The following TRIM51 variants were observed in gnomAD, a reference collection of about 807,000 sequenced individuals.
TRIM51 encodes tripartite motif-containing protein 51.
In TRIM51, 23 loss-of-function variants were observed where a neutral mutation model predicts 32.7. The ratio of observed to expected loss-of-function variants is 0.70; its 90% CI spans 0.51 to 1.00. The LOEUF (loss-of-function observed/expected upper bound fraction) is 1.00. TRIM51 is among the 50% of genes least tolerant of loss of function. The pLI, the probability that TRIM51 is intolerant of heterozygous loss-of-function variation, is 0.00. For missense variants in TRIM51, 592 were observed against 539.2 expected, an observed-to-expected ratio of 1.10 and a Z score of -0.97; for synonymous variants, 177 against 181.9, an observed-to-expected ratio of 0.97 and a Z score of 0.22.
In TRIM51 at chr11:55,888,974, T is replaced by C. The variant is rs767210174; in HGVS notation, c.739-5T>C. ...CTAAGCCTTTCTATTTTTTTTTTTTTACAGGCTTTTGGAGACATATTACAC... is the reference window on the plus strand; with the variant it reads ...CTAAGCCTTTCTATTTTTTTTTTTTCACAGGCTTTTGGAGACATATTACAC... On this transcript the variant is annotated splice_region_variant and splice_polypyrimidine_tract_variant and intron_variant, in intron 4 of 6. Transcript: ENST00000449290. 6.2e-7 allele frequency: 1 copy of C among 1,610,516 alleles called. No homozygotes were observed.
intron 3 of TRIM51, among the ~76,000 whole-genome samples, chr11:55,886,900 T>C (rs1417594602): frequency 1.3e-5 from 2 of 152,318 alleles, no homozygotes; most frequent in Non-Finnish European, 2.9e-5. Flanking sequence ...TATTCATTCA[T>C]TAATTTATTC....
In TRIM51 at chr11:55,886,228, G is replaced by A. The variant is rs373830754; in HGVS notation, c.507+10G>A. 1.9e-5 allele frequency: 30 copies of A among 1,604,190 alleles called. No individual in the cohort carries two copies. The highest frequency in any genetic ancestry group is 2.2e-5 in the East Asian group (1 of 44,814). On this transcript the variant is annotated intron_variant, in intron 3 of 6. Coordinates refer to ENST00000449290, the MANE Select transcript of TRIM51 (RefSeq NM_032681.4). ...AACCAGATGCTGGAAGGTTAGTACC[G>A]TATGACTCTACCTTCTCCGGGAACT...
chr11:55,883,904 A>G (rs2134530959), intron 1 of TRIM51, among the ~76,000 whole-genome samples: 1 of 152,174 alleles, frequency 6.6e-6, no homozygotes, highest in East Asian at 1.9e-4. Flanking sequence ...GAATGATTTG[A>G]TACTTGATAC....
chr11:55,888,413 G>C, intron 4 of TRIM51, 151 bp downstream of exon 4: 2 of 698,002 alleles, frequency 2.9e-6, no homozygotes, highest in Non-Finnish European at 5.1e-6. Flanking sequence ...GGAGGGTATA[G>C]CCTCTCCTAG....
At chr11:55,884,337 C>T (rs866342917) in intron 1 of TRIM51, among the ~76,000 whole-genome samples, 4 of 151,134 alleles carry the variant, frequency 2.6e-5, no homozygotes, top group Admixed American at 1.3e-4. Context: ...CTGTCTAACG[C>T]GTCCCTCAGA....
chr11:55,883,984 C>T lies in TRIM51; in HGVS notation c.-5+600C>T, dbSNP rs538990370. ...AAATTCCTTGAAATGGCTCAGATGG[C>T]CTCTGAAAAATATTTGCAATTCTTA... On this transcript the variant is annotated intron_variant, in intron 1 of 6. Transcript: ENST00000449290. Among the ~76,000 whole-genome samples, 12 of 151,500 alleles carry T rather than the reference C, an allele frequency of 7.9e-5. No homozygotes were observed. In the South Asian group the frequency reaches 1.3e-3, roughly 16 times the overall value.
Position 55,885,669 on chromosome 11 carries a change from A to G in TRIM51, c.241A>G (p.Ser81Gly). Residue 81 changes from serine (S) to glycine (G), a missense_variant, in exon 2 of 7, where the codon AGC (serine) becomes GGC (glycine). Coordinates refer to ENST00000449290, the MANE Select transcript of TRIM51 (RefSeq NM_032681.4). ...CATGGCTTTCATTGCCAGAAAAGCC[A>G]GCCTCCGGCAATTCCTTAGCTCTGA... is the stretch of plus-strand genomic sequence containing the variant. Reference protein sequence around the residue: ...KNMAFIARKASLRQFLSSEEQ... With the variant: ...KNMAFIARKAGLRQFLSSEEQ... The G allele has an allele frequency of 6.2e-7, 1 of 1,611,038 alleles. No homozygotes were observed. The highest frequency in any genetic ancestry group is 8.5e-7 in the Non-Finnish European group (1 of 1,179,340).
chr11:55,885,597 A>T lies in TRIM51; in HGVS notation c.169A>T (p.Lys57Ter), dbSNP rs750843377. The T allele has an allele frequency of 6.2e-7, 1 of 1,611,646 alleles. No individual in the cohort carries two copies. The highest frequency in any genetic ancestry group is 8.5e-7 in the Non-Finnish European group (1 of 1,179,638). Residue 57 changes from lysine (K) to a stop codon, truncating the protein, a stop_gained, in exon 2 of 7, where the codon AAG becomes TAG. Transcript: ENST00000449290. LOFTEE classifies it high-confidence loss of function. The part of the protein sequence containing the change: ...AVLAQCSECK[K>*]TTRQRNLNTD... ...TCTTGCTCAGTGCTCTGAATGCAAGAAGACAACGCGGCAGAGAAACCTCAA... is the reference window on the plus strand; with the variant it reads ...TCTTGCTCAGTGCTCTGAATGCAAGTAGACAACGCGGCAGAGAAACCTCAA...
rs373715295 is a variant in TRIM51, at chr11:55,889,341, T to G, written c.761+340T>G. 8.1e-4 allele frequency among the ~76,000 whole-genome samples: 123 copies of G among 152,286 alleles called. 2 individuals carry two copies. The South Asian group carries it at 0.025, about 31-fold the overall frequency. ...ATATTTGAAAGAGAAAATATTACAT[T>G]TTCTACATGGCTACAAAGTCAACCA... On this transcript the variant is annotated intron_variant, in intron 5 of 6. Coordinates refer to ENST00000449290, the MANE Select transcript of TRIM51 (RefSeq NM_032681.4).
Position 55,891,363 on chromosome 11 carries a change from G to T in TRIM51, c.1090G>T (p.Glu364Ter). The T allele has an allele frequency of 6.2e-7, 1 of 1,612,132 alleles. No individual in the cohort carries two copies. The highest frequency in any genetic ancestry group is 2.2e-5 in the East Asian group (1 of 44,878). Residue 364 changes from glutamate (E) to a stop codon, truncating the protein, a stop_gained, in exon 7 of 7, where the codon GAG becomes TAG. Coordinates refer to ENST00000449290, the MANE Select transcript of TRIM51 (RefSeq NM_032681.4). LOFTEE classifies it low-confidence loss of function (END_TRUNC). ...AFGVCNNYWK[E>*]KRQNDKIDGE... is the part of the protein sequence containing the mutation. ...TGGTGTCTGTAACAATTATTGGAAA[G>T]AGAAGAGACAGAATGACAAGATAGA...
chr11:55,884,529 C>T (rs912547477), intron 1 of TRIM51, among the ~76,000 whole-genome samples: 1 of 151,934 alleles, frequency 6.6e-6, no homozygotes, highest in Non-Finnish European at 1.5e-5. Flanking sequence ...GAGGAAACTG[C>T]CTTGTCTCTG....
At chr11:55,890,768 T>C (rs965539343) in intron 6 of TRIM51, among the ~76,000 whole-genome samples, 6 of 152,180 alleles carry the variant, frequency 3.9e-5, no homozygotes, top group African/African-American at 1.4e-4. Flanking sequence ...CTTGCCAAAA[T>C]TATATCACTA....
At chr11:55,883,567 A>G (rs777529298) in intron 1 of TRIM51, among the ~76,000 whole-genome samples, 183 bp downstream of exon 1, 6 of 152,158 alleles carry the variant, frequency 3.9e-5, no homozygotes, top group Non-Finnish European at 5.9e-5. Context: ...GTGTGTTCCA[A>G]AAGTGTTTGA....
In TRIM51 at chr11:55,885,723, A is replaced by G; in HGVS notation, c.295A>G (p.Thr99Ala). The part of the protein sequence containing the change: ...EEQICGMHRE[T>A]KKMFCEVDKS... ...GCAAATATGTGGGATGCACAGAGAG[A>G]CAAAGAAGATGTTCTGTGAAGTGGA... Residue 99 changes from threonine (T) to alanine (A), a missense_variant, in exon 2 of 7, where the codon ACA becomes GCA. Transcript: ENST00000449290. The G allele has an allele frequency of 6.2e-7, 1 of 1,611,752 alleles. No individual in the cohort carries two copies. Among genetic ancestry groups the G allele is most frequent in the Non-Finnish European group, 8.5e-7 (1 of 1,179,728 alleles).
Position 55,891,598 on chromosome 11 carries a change from C to G in TRIM51, c.1325C>G (p.Pro442Arg), listed in dbSNP as rs560111241. The change falls in exon 7 of 7, where the codon CCT becomes CGT. Residue 442 changes from proline to arginine, a missense_variant. By Grantham distance (103) the Pro-to-Arg change is moderately radical (BLOSUM62 -2). Transcript: ENST00000449290. Reference sequence around the variant, plus strand: ...ATCCCCAATTGCTCCTTCTCACCTCCTCTCAGGCCTATCTTTTGCTGTAGT... The same window carrying G: ...ATCCCCAATTGCTCCTTCTCACCTCGTCTCAGGCCTATCTTTTGCTGTAGT... ...YTIPNCSFSPPLRPIFCCSHF is the reference protein window; with the variant it reads ...YTIPNCSFSPRLRPIFCCSHF The G allele has an allele frequency of 4.3e-6, 7 of 1,613,122 alleles. No homozygotes were observed. The African/African-American group carries it at 5.3e-5, about 12-fold the overall frequency.
intron 1 of TRIM51, among the ~76,000 whole-genome samples, 195 bp from the exon 2 acceptor site, chr11:55,885,230 T>C (rs575719150): frequency 1.5e-3 from 232 of 152,352 alleles, no homozygotes; most frequent in African/African-American, 5.4e-3. Context: ...GTGAGTCATC[T>C]AGTCAGCAGT....
chr11:55,887,227 G>A (rs973950148), intron 3 of TRIM51, among the ~76,000 whole-genome samples: 1 of 151,676 alleles, frequency 6.6e-6, no homozygotes, highest in Non-Finnish European at 1.5e-5. Flanking sequence ...TGATCAGGAG[G>A]AAATGTGTAT....
chr11:55,888,842 A>G (rs964394617), intron 4 of TRIM51, 137 bp from the exon 5 acceptor site: 14 of 799,624 alleles, frequency 1.8e-5, no homozygotes, highest in Non-Finnish European at 2.6e-5. Flanking sequence ...TGAGAAAAGA[A>G]ACAGAAAATG....
At position 55,886,210 on chromosome 11, in the gene TRIM51, T is replaced by C. The variant is rs1181834175; in HGVS notation, c.499T>C (p.Cys167Arg). The C allele has an allele frequency of 1.2e-6, 2 of 1,613,316 alleles. No homozygotes were observed. Among genetic ancestry groups the C allele is most frequent in the African/African-American group, 1.3e-5 (1 of 74,974 alleles). Residue 167 changes from cysteine (C) to arginine (R), a missense_variant, in exon 3 of 7, where the codon TGC becomes CGC. Transcript: ENST00000449290. ...GAACATGGAAACCACAAGAACCAGA[T>C]GCTGGAAGGTTAGTACCGTATGACT... ...NLNMETTRTRCWKDYVSLRIE... is the reference protein window; with the variant it reads ...NLNMETTRTRRWKDYVSLRIE...
Sources: allele counts gnomAD v4.1 joint callset (sites outside exome capture counted in the v4.1 genomes callset), GRCh38; gene constraint gnomAD v4.1.1; transcripts MANE v1.5; gene names NCBI Gene and HGNC (gene_info 2026-07-23, HGNC 2026-07-21).